TMPRSS9: variants seen among roughly 807,000 people sequenced by gnomAD.
TMPRSS9 encodes transmembrane protease serine 9.
TMPRSS9 carries 113 observed loss-of-function variants against 111.4 expected under a neutral mutation model. That is an observed-to-expected ratio of 1.01 (90% confidence interval 0.87 to 1.19). The LOEUF (loss-of-function observed/expected upper bound fraction) is 1.19. Among genes scored for constraint, TMPRSS9 ranks in the 50% most tolerant of loss-of-function variants. TMPRSS9 has a pLI of 0.00. For synonymous variants in TMPRSS9, 805 were observed against 659.1 expected (o/e 1.22, Z -3.39); for missense variants, 1,803 against 1,513.1 (o/e 1.19, Z -3.18).
At chr19:2,416,272 G>A in intron 11 of TMPRSS9, 1 of 331,188 alleles carries the variant, frequency 3.0e-6, no homozygotes, top group Non-Finnish European at 4.9e-6. Flanking sequence ...GTAGGGGGTT[G>A]GGGGGGGGCA....
intron 8 of TMPRSS9, among the ~76,000 whole-genome samples, chr19:2,408,978 G>A (rs998336485): frequency 8.4e-6 from 1 of 119,756 alleles, no homozygotes; most frequent in Non-Finnish European, 1.7e-5. Context: ...GACAGTGGGA[G>A]GCTCCATCTC....
At chr19:2,368,505 A>G (rs1348546292) in intron 1 of TMPRSS9, among the ~76,000 whole-genome samples, 2 of 152,030 alleles carry the variant, frequency 1.3e-5, no homozygotes, top group African/African-American at 4.8e-5. Context: ...GGAGATGAGG[A>G]CAGTTAGACC....
At chr19:2,424,765 C>A (rs1048308830) in intron 15 of TMPRSS9, among the ~76,000 whole-genome samples, 1 of 151,946 alleles carries the variant, frequency 6.6e-6, no homozygotes, top group South Asian at 2.1e-4. Context: ...GGGGGCGGGA[C>A]TCGCACGGCC....
At chr19:2,401,064 G>A (rs1040660107) in intron 4 of TMPRSS9, among the ~76,000 whole-genome samples, 3 of 150,262 alleles carry the variant, frequency 2.0e-5, no homozygotes, top group African/African-American at 7.4e-5. Flanking sequence ...CACAAGGTCA[G>A]GAGATCGAGA....
chr19:2,423,919 C>T (rs1263400823), intron 14 of TMPRSS9, among the ~76,000 whole-genome samples, 170 bp from the exon 16 acceptor site: 1 of 152,180 alleles, frequency 6.6e-6, no homozygotes, highest in Non-Finnish European at 1.5e-5. Context: ...GCCCAAAGAC[C>T]AAGCAGCAGG....
intron 11 of TMPRSS9, chr19:2,416,332 G>A: frequency 3.1e-6 from 2 of 650,910 alleles, no homozygotes; most frequent in Non-Finnish European, 5.1e-6. Flanking sequence ...ACTTGTCCGA[G>A]GTCCCCCAGC....
At chr19:2,404,913 C>G (rs1355653720) in intron 6 of TMPRSS9, among the ~76,000 whole-genome samples, 1 of 135,120 alleles carries the variant, frequency 7.4e-6, no homozygotes, top group Non-Finnish European at 1.5e-5. Flanking sequence ...GCCTGGACAA[C>G]AGAGCGAGAC....
At chr19:2,400,763 C>T (rs1395966317) in intron 4 of TMPRSS9, among the ~76,000 whole-genome samples, 2 of 146,816 alleles carry the variant, frequency 1.4e-5, no homozygotes, top group African/African-American at 2.5e-5. Flanking sequence ...CACCTGAGGT[C>T]AGGAGTTTGA....
At position 2,391,283 on chromosome 19, in the gene TMPRSS9, G is replaced by A. The variant is rs1286991676; in HGVS notation, c.142+1356G>A. Among the ~76,000 whole-genome samples, 4 of 137,484 alleles carry A rather than the reference G, an allele frequency of 2.9e-5. No homozygotes were observed. The South Asian group carries it at 6.8e-4, about 23-fold the overall frequency. 90.2% of individuals were successfully genotyped at this position (137,484 alleles called of 152,430 possible). ...AAGTTAATTTTAACATTTAAATGAT[G>A]ATAATAAACAGCAATTTGGGGAGAA... On this transcript the variant is annotated intron_variant, in intron 1 of 17. Coordinates refer to ENST00000648592, the Ensembl canonical transcript of TMPRSS9.
intron 13 of TMPRSS9, among the ~76,000 whole-genome samples, 181 bp downstream of exon 14, chr19:2,418,319 C>CCT (rs1568189365): frequency 7.6e-5 from 3 of 39,602 alleles, no homozygotes; most frequent in Non-Finnish European, 9.3e-5. Context: ...CCCTCCCTCC[C>CCT]TCCCTCCCTC....
chr19:2,404,130 T>G (rs567656733), intron 6 of TMPRSS9, among the ~76,000 whole-genome samples: 1 of 152,244 alleles, frequency 6.6e-6, no homozygotes, highest in East Asian at 1.9e-4. Context: ...ATTGCACTAC[T>G]GCACTGTCCA....
intron 1 of TMPRSS9, among the ~76,000 whole-genome samples, chr19:2,382,710 C>T (rs1372258716): frequency 6.6e-6 from 1 of 151,400 alleles, no homozygotes; most frequent in Non-Finnish European, 1.5e-5. Flanking sequence ...CACACAAAAG[C>T]ACACATGCAC....
intron 1 of TMPRSS9, 101 bp from the exon 3 acceptor site, chr19:2,396,438 A>G (rs1174982823): frequency 7.2e-7 from 1 of 1,388,234 alleles, no homozygotes; most frequent in Non-Finnish European, 9.6e-7. Flanking sequence ...AGTGACCACC[A>G]GGGTGTGTGA....
At chr19:2,425,421 C>A (rs200670416) in exon 17 of TMPRSS9, 6 of 1,586,194 alleles carry the variant, frequency 3.8e-6, no homozygotes, top group Non-Finnish European at 4.3e-6. Context: ...CCTGCCGCCG[C>A]TTCTACCCAG....
At chr19:2,408,329 CTTCTG>C (rs1390593304) in intron 7 of TMPRSS9, 22 bp from the exon 9 acceptor site, 2 of 1,604,278 alleles carry the variant, frequency 1.2e-6, no homozygotes. Flanking sequence ...CCCTCGGTGG[CTTCTG>C]AGCTGGGGTT....
At chr19:2,386,702 A>G (rs866835377), upstream of TMPRSS9, among the ~76,000 whole-genome samples, 56 of 152,186 alleles carry the variant, frequency 3.7e-4, no homozygotes, top group Middle Eastern at 6.8e-3. Flanking sequence ...GCATGAAAAT[A>G]TTTACTGCTG....
intron 5 of TMPRSS9, among the ~76,000 whole-genome samples, chr19:2,402,833 AG>A (rs1970880428): frequency 6.6e-6 from 1 of 152,132 alleles, no homozygotes; most frequent in African/African-American, 2.4e-5. Flanking sequence ...CAGGAGGCTG[AG>A]GCAGGAGGAT....
chr19:2,395,813 C>T (rs890212853), intron 1 of TMPRSS9, among the ~76,000 whole-genome samples: 2 of 152,126 alleles, frequency 1.3e-5, no homozygotes, highest in East Asian at 1.9e-4. Flanking sequence ...AGAGACCATC[C>T]TGGCTAACAC....
chr19:2,365,846 C>T (rs1193256387), intron 1 of TMPRSS9, among the ~76,000 whole-genome samples: 1 of 152,070 alleles, frequency 6.6e-6, no homozygotes, highest in Non-Finnish European at 1.5e-5. Flanking sequence ...CACCCATAGC[C>T]CCAACTATTT....
Sources: allele counts gnomAD v4.1 joint callset (sites outside exome capture counted in the v4.1 genomes callset), GRCh38; gene constraint gnomAD v4.1.1; transcripts MANE v1.5; gene names NCBI Gene and HGNC (gene_info 2026-07-23, HGNC 2026-07-21).